Variants in OSBPL10 observed in about 807,000 individuals in gnomAD.
OSBPL10 encodes the protein oxysterol binding protein like 10, also known as oxysterol-binding protein-related protein 10.
A neutral mutation model predicts 81.7 loss-of-function variants in OSBPL10; 49 were observed. The ratio of observed to expected loss-of-function variants is 0.60; its 90% confidence interval spans 0.48 to 0.76. The LOEUF is 0.76. Among genes scored for constraint, OSBPL10 ranks in the 30% least tolerant of loss-of-function variants. The pLI, the probability that OSBPL10 is intolerant of heterozygous loss-of-function variation, is 0.00. For missense variants in OSBPL10, 923 were observed against 987.8 expected (o/e 0.93, Z 0.88); for synonymous variants, 419 against 383.6 (o/e 1.09, Z -1.08).
intron 1 of OSBPL10, among the ~76,000 whole-genome samples, chr3:32,055,136 T>C (rs1376701439): frequency 6.6e-6 from 1 of 151,922 alleles, no homozygotes; most frequent in East Asian, 1.9e-4. Context: ...CTTAAAACTT[T>C]GCTGATCCTT....
At chr3:31,928,035 G>T (rs552420567) in intron 1 of OSBPL10, among the ~76,000 whole-genome samples, 2 of 152,314 alleles carry the variant, frequency 1.3e-5, no homozygotes, top group South Asian at 2.1e-4. Context: ...AGAAAATTCA[G>T]TGTGAACCAC....
chr3:31,868,402 C>T (rs1405299505), intron 3 of OSBPL10, among the ~76,000 whole-genome samples: 2 of 151,998 alleles, frequency 1.3e-5, no homozygotes, highest in African/African-American at 4.8e-5. Context: ...AGGCAATCCC[C>T]GAGCTCCATC....
chr3:31,886,529 CTA>C lies in OSBPL10; in HGVS notation c.282-6701_282-6700del, dbSNP rs1289138088. ...GATCTGCCTCGCCTTCCTCAGGCCT[CTA>C]TCTTCTGAGACGCATCTGCTCCAAA... On this transcript the variant is annotated intron_variant, in intron 1 of 11. Transcript: ENST00000396556. 3.9e-5 allele frequency among the ~76,000 whole-genome samples: 6 copies of C among 152,340 alleles called. No individual in the cohort carries two copies. The South Asian group carries it at 1.2e-3, about 32-fold the overall frequency.
chr3:31,863,126 T>C (rs1701098650), intron 3 of OSBPL10, among the ~76,000 whole-genome samples: 1 of 152,046 alleles, frequency 6.6e-6, no homozygotes, highest in Non-Finnish European at 1.5e-5. Context: ...TGGATGAACC[T>C]TGAAAACACT....
intron 10 of OSBPL10, among the ~76,000 whole-genome samples, chr3:31,667,496 T>C (rs1389291973): frequency 6.6e-6 from 1 of 152,258 alleles, no homozygotes; most frequent in Non-Finnish European, 1.5e-5. Flanking sequence ...TATCCCTGCT[T>C]TGTTTCCACT....
At chr3:31,738,437 A>G (rs1404602115) in intron 5 of OSBPL10, among the ~76,000 whole-genome samples, 1 of 152,212 alleles carries the variant, frequency 6.6e-6, no homozygotes, top group Non-Finnish European at 1.5e-5. Context: ...CTAAATGCCA[A>G]AAGATGAACA....
chr3:31,674,397 ATT>A (rs771531205), intron 8 of OSBPL10, among the ~76,000 whole-genome samples: 29 of 150,412 alleles, frequency 1.9e-4, no homozygotes, highest in Non-Finnish European at 3.1e-4. Flanking sequence ...CTATAAAAAA[ATT>A]TTAAAAAAAA....
At chr3:31,668,554 A>G (rs545161513) in intron 10 of OSBPL10, 88 bp downstream of exon 10, 44 of 1,264,778 alleles carry the variant, frequency 3.5e-5, no homozygotes, top group African/African-American at 4.5e-5. Context: ...TCCAGTCGCT[A>G]AGTTTCAAAG....
chr3:31,833,460 T>C (rs1265506619), intron 3 of OSBPL10, among the ~76,000 whole-genome samples: 1 of 152,190 alleles, frequency 6.6e-6, no homozygotes, highest in Non-Finnish European at 1.5e-5. Flanking sequence ...GCACAGTGCC[T>C]GACATGCAGA....
chr3:32,022,363 T>A (rs1699369494), intron 2 of OSBPL10, among the ~76,000 whole-genome samples: 1 of 151,756 alleles, frequency 6.6e-6, no homozygotes, highest in African/African-American at 2.4e-5. Flanking sequence ...CAGGTAAGGG[T>A]TTTTTAGGAT....
At chr3:31,953,660 T>C (rs140644785) in intron 1 of OSBPL10, among the ~76,000 whole-genome samples, 1 of 152,054 alleles carries the variant, frequency 6.6e-6, no homozygotes, top group African/African-American at 2.4e-5. Flanking sequence ...CCAGCCTCAG[T>C]CTCCCAAAGT....
intron 1 of OSBPL10, among the ~76,000 whole-genome samples, chr3:32,069,549 C>G (rs1467181409): frequency 6.6e-6 from 1 of 152,214 alleles, no homozygotes; most frequent in Non-Finnish European, 1.5e-5. Flanking sequence ...CCCTTAGACG[C>G]TTTACCGCCC....
Position 31,870,251 on chromosome 3 carries a change from C to T in OSBPL10, c.537+6182G>A, listed in dbSNP as rs565352835. Among the ~76,000 whole-genome samples the T allele has an allele frequency of 4.7e-3, 716 of 152,336 alleles. 2 individuals are homozygous for T. Among genetic ancestry groups the T allele is most frequent in the African/African-American group, 0.016 (665 of 41,588 alleles). ...GCCTCCCGGCCCGGGCAGTGAGGGGCTTAGCACCTGGGCCAGTGGCTGCGG... is the reference window on the plus strand; with the variant it reads ...GCCTCCCGGCCCGGGCAGTGAGGGGTTTAGCACCTGGGCCAGTGGCTGCGG... On this transcript the variant is annotated intron_variant, in intron 3 of 11. Transcript: ENST00000396556.
At chr3:32,016,473 C>T (rs945386842) in intron 2 of OSBPL10, among the ~76,000 whole-genome samples, 3 of 152,030 alleles carry the variant, frequency 2.0e-5, no homozygotes, top group Non-Finnish European at 4.4e-5. Flanking sequence ...GGAGGGATAG[C>T]GTTAGGAGAT....
intron 1 of OSBPL10, chr3:32,066,553 C>T (rs1219903071): frequency 6.6e-6 from 1 of 152,184 alleles, no homozygotes; most frequent in Non-Finnish European, 1.5e-5. Flanking sequence ...AGAAACTTGC[C>T]CTCCTCCTGC....
chr3:31,857,374 T>C (rs1231046275), intron 3 of OSBPL10, among the ~76,000 whole-genome samples: 5 of 152,174 alleles, frequency 3.3e-5, no homozygotes, highest in Non-Finnish European at 7.3e-5. Context: ...TAATCTGAAC[T>C]GGCAGGAATT....
intron 2 of OSBPL10, among the ~76,000 whole-genome samples, chr3:31,994,968 G>A (rs370480633): frequency 1.6e-4 from 25 of 152,288 alleles, no homozygotes; most frequent in African/African-American, 5.5e-4. Flanking sequence ...ATGCCCACCT[G>A]AGCCGCAAAA....
At chr3:31,947,407 T>A (rs1697733341) in intron 1 of OSBPL10, among the ~76,000 whole-genome samples, 1 of 152,110 alleles carries the variant, frequency 6.6e-6, no homozygotes, top group Non-Finnish European at 1.5e-5. Context: ...GCTGAAAAAT[T>A]GGAATGCTAT....
chr3:31,740,045 CTTTTT>C (rs33919556), intron 5 of OSBPL10, among the ~76,000 whole-genome samples: 1 of 135,872 alleles, frequency 7.4e-6, no homozygotes, highest in Admixed American at 7.5e-5. Context: ...ATGAATAATA[CTTTTT>C]TTTTTTTTTT....
Sources: gnomAD v4.1 joint callset for allele counts (sites outside exome capture counted in the v4.1 genomes callset) on GRCh38, gnomAD v4.1.1 for gene constraint, MANE v1.5 for transcripts, NCBI Gene and HGNC (gene_info 2026-07-23, HGNC 2026-07-21) for gene names.